MIS18A: variants seen among roughly 807,000 people sequenced by gnomAD.
MIS18A encodes the protein protein Mis18-alpha.
MIS18A carries 14 observed loss-of-function variants against 25.0 expected under a neutral mutation model. The ratio of observed to expected loss-of-function variants is 0.56; its 90% CI spans 0.37 to 0.88. The LOEUF (loss-of-function observed/expected upper bound fraction) is 0.88, where lower values mean the gene tolerates loss of function less well. Among genes scored for constraint, MIS18A ranks in the 40% least tolerant of loss-of-function variants. The probability of loss-of-function intolerance (pLI) is 0.00; values close to 1 mark genes in which losing one functional copy is unlikely to be tolerated. For synonymous variants in MIS18A, 134 were observed against 118.6 expected, an observed-to-expected ratio of 1.13 and a Z score of -0.84; for missense variants, 292 against 290.8, an observed-to-expected ratio of 1.00 and a Z score of -0.03.
At chr21:32,164,849 T>C in the MIS18A span, among the ~76,000 whole-genome samples, 1 of 152,200 alleles carries the variant, frequency 6.6e-6, no homozygotes, top group Non-Finnish European at 1.5e-5. Context: ...GTTATGGTAC[T>C]GGCACCATTT....
chr21:32,211,531 A>G, the MIS18A span, among the ~76,000 whole-genome samples: 2 of 152,172 alleles, frequency 1.3e-5, no homozygotes, highest in East Asian at 1.9e-4. Context: ...GATGGCTATC[A>G]CCTCCTTATG....
the MIS18A span, among the ~76,000 whole-genome samples, chr21:32,167,703 A>G: frequency 6.6e-6 from 1 of 152,234 alleles, no homozygotes; most frequent in Non-Finnish European, 1.5e-5. Context: ...ATTTTTCCAA[A>G]TGAATTAAAG....
downstream of MIS18A, among the ~76,000 whole-genome samples, chr21:32,267,815 G>A (rs1387175496): frequency 1.3e-5 from 2 of 152,198 alleles, no homozygotes; most frequent in East Asian, 1.9e-4. Flanking sequence ...GGGTGTTGAC[G>A]TTTGCTTCCA....
chr21:32,247,334 T>G, the MIS18A span, among the ~76,000 whole-genome samples: 46 of 152,214 alleles, frequency 3.0e-4, no homozygotes, highest in African/African-American at 1.1e-3. Flanking sequence ...TCATCTCCCT[T>G]GGGGAAAAGG....
the MIS18A span, among the ~76,000 whole-genome samples, chr21:32,227,635 T>C: frequency 6.6e-6 from 1 of 152,152 alleles, no homozygotes; most frequent in Non-Finnish European, 1.5e-5. Context: ...CTTTAAAGAA[T>C]ACTTGACGTC....
the MIS18A span, among the ~76,000 whole-genome samples, chr21:32,256,384 C>A: frequency 6.6e-6 from 1 of 152,116 alleles, no homozygotes; most frequent in East Asian, 1.9e-4. Context: ...TCAGTTTCAT[C>A]GGATGACTTG....
At chr21:32,272,583 C>T (rs962540493) in intron 2 of MIS18A, among the ~76,000 whole-genome samples, 1 of 152,192 alleles carries the variant, frequency 6.6e-6, no homozygotes, top group African/African-American at 2.4e-5. Context: ...TTAATAGTAA[C>T]AGAACAGACC....
chr21:32,241,434 T>C, the MIS18A span, among the ~76,000 whole-genome samples: 24 of 151,366 alleles, frequency 1.6e-4, no homozygotes, highest in Middle Eastern at 3.5e-3. Context: ...CCCCAAATGG[T>C]AACTTAAGTG....
the MIS18A span, among the ~76,000 whole-genome samples, chr21:32,176,479 G>T: frequency 2.0e-5 from 3 of 152,164 alleles, no homozygotes; most frequent in Non-Finnish European, 4.4e-5. Flanking sequence ...TCAAATATTT[G>T]TAAGCTATAT....
chr21:32,190,503 C>T, the MIS18A span, among the ~76,000 whole-genome samples: 2 of 152,194 alleles, frequency 1.3e-5, no homozygotes, highest in South Asian at 4.1e-4. Flanking sequence ...CAGACCATTG[C>T]TGGGAGTTCA....
the MIS18A span, among the ~76,000 whole-genome samples, chr21:32,200,381 G>A: frequency 6.6e-6 from 1 of 151,790 alleles, no homozygotes; most frequent in African/African-American, 2.4e-5. Flanking sequence ...GCTCTCACTA[G>A]CTTCTGAAGC....
the MIS18A span, among the ~76,000 whole-genome samples, chr21:32,253,919 G>GA: frequency 1.7e-4 from 26 of 150,974 alleles, no homozygotes; most frequent in Admixed American, 7.2e-4. Context: ...ACAGCATTTT[G>GA]AAAAAAAAAT....
chr21:32,163,342 G>A, the MIS18A span, among the ~76,000 whole-genome samples: 3 of 152,292 alleles, frequency 2.0e-5, no homozygotes, highest in African/African-American at 7.2e-5. Flanking sequence ...CCTGTTTCAT[G>A]AATCTCACAT....
chr21:32,249,446 T>C, the MIS18A span, among the ~76,000 whole-genome samples: 1 of 152,142 alleles, frequency 6.6e-6, no homozygotes, highest in Admixed American at 6.5e-5. Context: ...CTATTATACA[T>C]AGCCATAATT....
the MIS18A span, among the ~76,000 whole-genome samples, chr21:32,263,015 T>C: frequency 6.6e-6 from 1 of 152,162 alleles, no homozygotes; most frequent in East Asian, 1.9e-4. Flanking sequence ...AATAGTGAAT[T>C]AGCCTACAGA....
intron 2 of MIS18A, 47 bp downstream of exon 2, chr21:32,274,783 T>C (rs1601080207): frequency 6.9e-7 from 1 of 1,456,226 alleles, no homozygotes; most frequent in East Asian, 2.4e-5. Flanking sequence ...AAGATTTTTA[T>C]TAAAGAAAAT....
the MIS18A span, among the ~76,000 whole-genome samples, chr21:32,207,934 G>A: frequency 1.3e-5 from 2 of 152,136 alleles, no homozygotes; most frequent in Non-Finnish European, 2.9e-5. Context: ...TTAATGCTTG[G>A]TATTGCTGTC....
chr21:32,263,825 T>A (rs1184771541), downstream of MIS18A, among the ~76,000 whole-genome samples: 3 of 150,428 alleles, frequency 2.0e-5, no homozygotes, highest in Admixed American at 6.6e-5. Context: ...TTTTTTTTTT[T>A]AAGCACTTTC....
At chr21:32,159,920 T>C in the MIS18A span, among the ~76,000 whole-genome samples, 3 of 152,258 alleles carry the variant, frequency 2.0e-5, no homozygotes, top group Middle Eastern at 6.8e-3. Context: ...GAGCAGGTGG[T>C]AAATTGTTTT....
Sources: gnomAD v4.1 joint callset for allele counts (sites outside exome capture counted in the v4.1 genomes callset) on GRCh38, gnomAD v4.1.1 for gene constraint, MANE v1.5 for transcripts, NCBI Gene and HGNC (gene_info 2026-07-23, HGNC 2026-07-21) for gene names.